The following GABRR1 variants were observed in gnomAD, a reference collection of about 807,000 sequenced individuals.
GABRR1 encodes gamma-aminobutyric acid type A receptor subunit rho1.
In GABRR1, 59 loss-of-function variants were observed where a neutral mutation model predicts 55.5. The observed-to-expected ratio is 1.06, with a 90% CI of 0.86 to 1.32. GABRR1 has a LOEUF of 1.32. Ranked by LOEUF, GABRR1 falls within the 40% of genes most tolerant of loss-of-function variation. The pLI is 0.00. For synonymous variants in GABRR1, 213 were observed against 226.0 expected, an observed-to-expected ratio of 0.94 and a Z score of 0.51; for missense variants, 602 against 619.1, an observed-to-expected ratio of 0.97 and a Z score of 0.29.
chr6:89,197,918 C>T (rs1164441474), intron 5 of GABRR1, 102 bp downstream of exon 5: 1 of 910,956 alleles, frequency 1.1e-6, no homozygotes, highest in Non-Finnish European at 1.8e-6. Flanking sequence ...CTGGCAACTA[C>T]TGAAAAGTTA....
chr6:89,217,476 G>T, upstream of GABRR1: 1 of 783,790 alleles, frequency 1.3e-6, no homozygotes, highest in Non-Finnish European at 2.0e-6. Context: ...CTGGAGAGCA[G>T]GAGAAAGCAA....
chr6:89,207,498 G>C (rs892173407), intron 1 of GABRR1, among the ~76,000 whole-genome samples: 1 of 152,166 alleles, frequency 6.6e-6, no homozygotes, highest in African/African-American at 2.4e-5. Context: ...CCTGGCAGAG[G>C]TGAGGCAATG....
intron 1 of GABRR1, chr6:89,205,629 T>C (rs1772617129): frequency 6.6e-6 from 1 of 152,418 alleles, no homozygotes; most frequent in South Asian, 2.1e-4. Context: ...AGAACTTTCT[T>C]GGAGGTGAGC....
intron 6 of GABRR1, among the ~76,000 whole-genome samples, chr6:89,187,906 T>C (rs1050462946): frequency 1.2e-4 from 18 of 152,342 alleles, no homozygotes; most frequent in South Asian, 4.1e-4. Flanking sequence ...GTTTTAGCAA[T>C]TGTGAATAGA....
At chr6:89,209,157 A>G (rs549377014) in intron 1 of GABRR1, among the ~76,000 whole-genome samples, 1 of 152,166 alleles carries the variant, frequency 6.6e-6, no homozygotes, top group East Asian at 1.9e-4. Context: ...GGCTTAAAAA[A>G]AAATCTCAGC....
At chr6:89,197,691 C>CA (rs757100705) in intron 5 of GABRR1, among the ~76,000 whole-genome samples, 6 of 151,916 alleles carry the variant, frequency 3.9e-5, no homozygotes, top group Non-Finnish European at 7.4e-5. Flanking sequence ...AAAATGTTCC[C>CA]AAAAATGGGA....
At chr6:89,190,086 C>T (rs1582382103) in intron 6 of GABRR1, 79 bp downstream of exon 6, 2 of 962,426 alleles carry the variant, frequency 2.1e-6, no homozygotes, top group Non-Finnish European at 1.6e-6. Flanking sequence ...GGAACACACA[C>T]TGTTCCTGCA....
chr6:89,194,681 TAAC>T (rs1286959660), intron 5 of GABRR1, among the ~76,000 whole-genome samples: 1 of 151,842 alleles, frequency 6.6e-6, no homozygotes, highest in African/African-American at 2.4e-5. Context: ...GAGACTGAAA[TAAC>T]AACAACAACA....
chr6:89,203,916 G>A (rs989842103), intron 1 of GABRR1, among the ~76,000 whole-genome samples: 3 of 152,214 alleles, frequency 2.0e-5, no homozygotes, highest in Admixed American at 1.3e-4. Flanking sequence ...AATGGGCACC[G>A]ACAGGAGATG....
chr6:89,179,488 G>C (rs1465642967), intron 9 of GABRR1, among the ~76,000 whole-genome samples: 4 of 152,148 alleles, frequency 2.6e-5, no homozygotes, highest in African/African-American at 9.7e-5. Flanking sequence ...CCAAAGTGCT[G>C]GGATTACAGG....
rs1275268426 is a variant in GABRR1, at chr6:89,201,249, T to C, written c.190A>G (p.Ser64Gly). The C allele has an allele frequency of 6.2e-7, 1 of 1,613,974 alleles. No homozygotes were observed. The highest frequency in any genetic ancestry group is 1.1e-5 in the South Asian group (1 of 91,056). The change falls in exon 3 of 10, where the codon AGT becomes GGT. Residue 64 changes from serine to glycine, a missense_variant. By Grantham distance (56) the Ser-to-Gly change is moderately conservative (BLOSUM62 0). Around this residue, in one of 3 missense-constraint regions of GABRR1, gnomAD observed 435 missense variants for 424.2 expected, o/e 1.03. Coordinates refer to ENST00000454853, the MANE Select transcript of GABRR1 (RefSeq NM_002042.5). ...HKQVSPILRR[S>G]PDITKSPLTK... ...AGAGGCGATTTGGTGATGTCAGGAC[T>C]TCGTCTCAGAATTGGGCTGCCAAGG...
chr6:89,196,497 G>A (rs949106444), intron 5 of GABRR1, among the ~76,000 whole-genome samples: 4 of 152,176 alleles, frequency 2.6e-5, no homozygotes, highest in Admixed American at 2.0e-4. Context: ...TGGGCCAGGT[G>A]TGGTGGCTCA....
chr6:89,224,027 C>G (rs1444898910), intron 1 of GABRR1, among the ~76,000 whole-genome samples: 1 of 151,860 alleles, frequency 6.6e-6, no homozygotes, highest in African/African-American at 2.4e-5. Context: ...TCCCAAAGTG[C>G]CGGGATTACA....
At chr6:89,192,124 G>T (rs1008769742) in intron 5 of GABRR1, among the ~76,000 whole-genome samples, 16 of 152,136 alleles carry the variant, frequency 1.1e-4, no homozygotes, top group Non-Finnish European at 2.1e-4. Flanking sequence ...AGGTGGAAGC[G>T]CAAGGAGACA....
chr6:89,212,699 G>A (rs1056820670), intron 1 of GABRR1, among the ~76,000 whole-genome samples: 5 of 151,858 alleles, frequency 3.3e-5, no homozygotes, highest in Non-Finnish European at 7.4e-5. Flanking sequence ...CTGAGACAGG[G>A]TCAGATGGGC....
At chr6:89,191,078 T>TA (rs891139612) in intron 5 of GABRR1, among the ~76,000 whole-genome samples, 9 of 152,180 alleles carry the variant, frequency 5.9e-5, no homozygotes, top group Admixed American at 2.6e-4. Context: ...TAATTCATGG[T>TA]AAAAAAAGAA....
intron 1 of GABRR1, among the ~76,000 whole-genome samples, chr6:89,210,745 C>T (rs928650427): frequency 3.3e-5 from 5 of 152,134 alleles, no homozygotes; most frequent in Non-Finnish European, 5.9e-5. Flanking sequence ...TGAACATTCA[C>T]CATTGTTCTT....
At chr6:89,223,662 C>T (rs1164105102) in intron 1 of GABRR1, among the ~76,000 whole-genome samples, 1 of 151,064 alleles carries the variant, frequency 6.6e-6, no homozygotes, top group Non-Finnish European at 1.5e-5. Context: ...TTTACATTCC[C>T]ATCAGCAGTG....
At chr6:89,195,984 C>G (rs1772260752) in intron 5 of GABRR1, among the ~76,000 whole-genome samples, 1 of 152,304 alleles carries the variant, frequency 6.6e-6, no homozygotes, top group African/African-American at 2.4e-5. Flanking sequence ...TGCCTATTAT[C>G]ATTACATTGT....
Sources: gnomAD v4.1 joint callset for allele counts (sites outside exome capture counted in the v4.1 genomes callset) on GRCh38, gnomAD v4.1.1 for gene constraint, gnomAD v4.1.1 regional missense constraint, MANE v1.5 for transcripts, NCBI Gene and HGNC (gene_info 2026-07-23, HGNC 2026-07-21) for gene names.